Variants in CCDC3 observed in about 807,000 individuals in gnomAD.
The protein encoded by CCDC3 is coiled-coil domain-containing protein 3.
Under a neutral mutation model 21.4 loss-of-function variants are expected in CCDC3, and 24 were observed. The ratio of observed to expected loss-of-function variants is 1.12; its 90% CI spans 0.81 to 1.58. CCDC3 has a LOEUF of 1.58. CCDC3 is among the 40% of genes most tolerant of loss of function. The pLI is 0.00. For missense variants in CCDC3, 425 were observed against 360.9 expected, an observed-to-expected ratio of 1.18 and a Z score of -1.44; for synonymous variants, 186 against 166.0, an observed-to-expected ratio of 1.12 and a Z score of -0.93.
intron 2 of CCDC3, chr10:13,098,744 T>A (rs947598130): frequency 9.3e-6 from 1 of 108,056 alleles, no homozygotes; most frequent in African/African-American, 3.6e-5. Flanking sequence ...TGAGACGGAG[T>A]CTCACTCTGT....
At chr10:12,952,311 T>C (rs1835019772) in intron 2 of CCDC3, among the ~76,000 whole-genome samples, 1 of 152,162 alleles carries the variant, frequency 6.6e-6, no homozygotes, top group Non-Finnish European at 1.5e-5. Context: ...CAAATCATTA[T>C]GACTTGATGA....
rs34324335 is a variant in CCDC3, at chr10:13,034,525, T to TAA, written c.-2+15147_-2+15148dup. Among the ~76,000 whole-genome samples, 382 of 142,742 alleles carry TAA rather than the reference T, an allele frequency of 2.7e-3. 4 individuals are homozygous for TAA. Among genetic ancestry groups the TAA allele is most frequent in the East Asian group, 0.016 (79 of 4,838 alleles). The allele number at this position is 142,742 out of a possible 152,430, so 93.6% of individuals were successfully genotyped here. A position where few individuals can be genotyped will look rare whatever the true frequency, so the allele number is the denominator to read the frequency against. On this transcript the variant is annotated intron_variant, in intron 5 of 6. Coordinates refer to the CCDC3 transcript ENST00000378839. ...AGAATTCCCCCAAAAGCCTAGATCTTAAAAAAAAAAAAAAAATGGGTACAT... is the reference window on the plus strand; with the variant it reads ...AGAATTCCCCCAAAAGCCTAGATCTTAAAAAAAAAAAAAAAAAATGGGTACAT...
intron 2 of CCDC3, among the ~76,000 whole-genome samples, chr10:12,921,819 G>A (rs770801018): frequency 2.3e-4 from 35 of 152,156 alleles, no homozygotes; most frequent in Non-Finnish European, 2.1e-4. Flanking sequence ...ATGGCTCACT[G>A]TAGCCTCGAA....
intron 2 of CCDC3, among the ~76,000 whole-genome samples, chr10:12,949,208 C>A (rs954202712): frequency 6.6e-6 from 1 of 152,176 alleles, no homozygotes; most frequent in Non-Finnish European, 1.5e-5. Flanking sequence ...AACTCTGTAA[C>A]TGGGCACATG....
intron 5 of CCDC3, among the ~76,000 whole-genome samples, chr10:13,038,082 G>GT (rs1836401580): frequency 6.6e-6 from 1 of 152,152 alleles, no homozygotes; most frequent in Non-Finnish European, 1.5e-5. Flanking sequence ...GCTGGAAGCT[G>GT]TTATCCTCAG....
intron 2 of CCDC3, among the ~76,000 whole-genome samples, chr10:12,942,875 A>C: frequency 6.6e-6 from 1 of 150,980 alleles, no homozygotes; most frequent in Admixed American, 6.6e-5. Flanking sequence ...TCTTAAACTC[A>C]CTCCTTGTGT....
intron 4 of CCDC3, chr10:13,057,944 G>C: frequency 3.3e-6 from 2 of 597,442 alleles, no homozygotes; most frequent in Non-Finnish European, 6.1e-6. Context: ...TCATATAGCA[G>C]CATGAGCTTT....
chr10:12,924,877 G>C (rs1005354653), intron 2 of CCDC3: 2 of 152,180 alleles, frequency 1.3e-5, no homozygotes, highest in African/African-American at 4.8e-5. Flanking sequence ...ATGAGCTTGA[G>C]GGACAGTGAA....
At chr10:13,004,652 A>G (rs1589037710), upstream of CCDC3, among the ~76,000 whole-genome samples, 1 of 148,216 alleles carries the variant, frequency 6.7e-6, no homozygotes, top group Non-Finnish European at 1.5e-5. Context: ...GGGCCACATT[A>G]GGGGATCCAT....
chr10:13,083,811 G>A (rs924144082), intron 3 of CCDC3, among the ~76,000 whole-genome samples: 1 of 152,258 alleles, frequency 6.6e-6, no homozygotes, highest in Non-Finnish European at 1.5e-5. Context: ...ACAGGACAGA[G>A]TAGCAGGGAC....
chr10:12,944,459 C>T (rs757677982), intron 2 of CCDC3, among the ~76,000 whole-genome samples: 1 of 152,180 alleles, frequency 6.6e-6, no homozygotes. Context: ...CCTGGAAGCC[C>T]CTGCTTTGAG....
intron 5 of CCDC3, among the ~76,000 whole-genome samples, chr10:13,007,247 G>A (rs1303721384): frequency 6.6e-6 from 1 of 152,116 alleles, no homozygotes; most frequent in African/African-American, 2.4e-5. Context: ...GTCACACATC[G>A]AGTATTCAGT....
At chr10:12,983,618 C>A in intron 2 of CCDC3, among the ~76,000 whole-genome samples, 1 of 144,728 alleles carries the variant, frequency 6.9e-6, no homozygotes, top group Non-Finnish European at 1.5e-5. Flanking sequence ...AAACTTTCAA[C>A]ATACTACAAA....
At chr10:12,903,223 A>G (rs1834120430) in intron 2 of CCDC3, among the ~76,000 whole-genome samples, 1 of 152,202 alleles carries the variant, frequency 6.6e-6, no homozygotes, top group Non-Finnish European at 1.5e-5. Flanking sequence ...CTAACGCCAT[A>G]AAATAACCAA....
intron 3 of CCDC3, among the ~76,000 whole-genome samples, chr10:13,090,258 T>C (rs1832548847): frequency 6.7e-6 from 1 of 150,020 alleles, no homozygotes; most frequent in Non-Finnish European, 1.5e-5. Context: ...CTAGCTAATT[T>C]ATTTTGTATT....
intron 2 of CCDC3, among the ~76,000 whole-genome samples, chr10:12,947,706 T>C (rs2131244678): frequency 6.6e-6 from 1 of 152,348 alleles, no homozygotes; most frequent in East Asian, 1.9e-4. Flanking sequence ...GTAGAATACA[T>C]TGCTAAGAGT....
At chr10:12,974,642 T>C (rs934505050) in intron 2 of CCDC3, among the ~76,000 whole-genome samples, 1 of 152,180 alleles carries the variant, frequency 6.6e-6, no homozygotes, top group Non-Finnish European at 1.5e-5. Context: ...TGAGTCACCA[T>C]GGGGCCGAGG....
intron 2 of CCDC3, among the ~76,000 whole-genome samples, chr10:12,986,661 C>G (rs1447848096): frequency 6.6e-6 from 1 of 151,880 alleles, no homozygotes; most frequent in Non-Finnish European, 1.5e-5. Flanking sequence ...GTAGTCCCAG[C>G]TACTCGGGAG....
chr10:12,901,524 C>T (rs1164822376), intron 2 of CCDC3, among the ~76,000 whole-genome samples: 8 of 152,114 alleles, frequency 5.3e-5, no homozygotes, highest in Non-Finnish European at 7.4e-5. Flanking sequence ...CTGCCCGCCT[C>T]GGCCTCCCAA....
Sources: gnomAD v4.1 joint callset for allele counts (sites outside exome capture counted in the v4.1 genomes callset) on GRCh38, gnomAD v4.1.1 for gene constraint, MANE v1.5 for transcripts, NCBI Gene and HGNC (gene_info 2026-07-23, HGNC 2026-07-21) for gene names.